MEGF11: variants seen among roughly 807,000 people sequenced by gnomAD.
The protein encoded by MEGF11 is multiple epidermal growth factor-like domains protein 11.
A neutral mutation model predicts 146.6 loss-of-function variants in MEGF11; 126 were observed. That is an observed-to-expected ratio of 0.86 (90% CI 0.74 to 1.00). The LOEUF is 1.00. Among genes scored for constraint, MEGF11 ranks in the 50% least tolerant of loss-of-function variants. The pLI is 0.00. For synonymous variants in MEGF11, 532 were observed against 583.4 expected, an observed-to-expected ratio of 0.91 and a Z score of 1.27; for missense variants, 1,509 against 1,521.2, an observed-to-expected ratio of 0.99 and a Z score of 0.13.
chr15:66,208,752 G>C (rs541239554), intron 1 of MEGF11, among the ~76,000 whole-genome samples: 2 of 152,190 alleles, frequency 1.3e-5, no homozygotes, highest in South Asian at 4.1e-4. Context: ...CGTGGTGGTG[G>C]ACACCTGTAA....
intron 1 of MEGF11, among the ~76,000 whole-genome samples, chr15:66,150,096 C>T (rs758844515): frequency 2.0e-5 from 3 of 152,252 alleles, no homozygotes; most frequent in Admixed American, 6.5e-5. Context: ...GCAGCCCCCA[C>T]ATCCCAGCCG....
chr15:66,151,945 A>C (rs1734186301), intron 1 of MEGF11, among the ~76,000 whole-genome samples: 1 of 152,260 alleles, frequency 6.6e-6, no homozygotes, highest in Non-Finnish European at 1.5e-5. Context: ...TGAGTGGCAC[A>C]ATGGCCTGCC....
intron 1 of MEGF11, among the ~76,000 whole-genome samples, chr15:66,174,527 A>G (rs1567272552): frequency 6.6e-6 from 1 of 152,150 alleles, no homozygotes; most frequent in Non-Finnish European, 1.5e-5. Context: ...TGGTTGGATC[A>G]GATGAGCTTT....
chr15:66,161,871 C>T (rs944551177), intron 1 of MEGF11, among the ~76,000 whole-genome samples: 4 of 152,184 alleles, frequency 2.6e-5, no homozygotes, highest in African/African-American at 9.7e-5. Flanking sequence ...CAGTGGCTTT[C>T]AAGTCTTTGA....
At chr15:65,910,474 G>C (rs973845101) in intron 21 of MEGF11, among the ~76,000 whole-genome samples, 1 of 152,126 alleles carries the variant, frequency 6.6e-6, no homozygotes, top group Non-Finnish European at 1.5e-5. Context: ...CCAGTGCCGT[G>C]TCCTTTCCAT....
At chr15:65,962,795 G>A (rs2080909074) in intron 9 of MEGF11, among the ~76,000 whole-genome samples, 1 of 152,148 alleles carries the variant, frequency 6.6e-6, no homozygotes, top group South Asian at 2.1e-4. Context: ...AGGAGGTGGT[G>A]ATGCAGACTC....
chr15:66,110,232 G>C (rs2087320522), intron 4 of MEGF11, among the ~76,000 whole-genome samples: 1 of 152,196 alleles, frequency 6.6e-6, no homozygotes, highest in Non-Finnish European at 1.5e-5. Context: ...TTGAGGGCCT[G>C]ACAAGCACTA....
At chr15:66,005,663 C>A (rs552238513) in intron 5 of MEGF11, among the ~76,000 whole-genome samples, 1 of 152,118 alleles carries the variant, frequency 6.6e-6, no homozygotes, top group East Asian at 1.9e-4. Flanking sequence ...GCATCACGGA[C>A]TTTCAGAGTG....
intron 15 of MEGF11, among the ~76,000 whole-genome samples, chr15:65,919,049 C>T (rs569321599): frequency 3.5e-4 from 53 of 152,294 alleles, no homozygotes; most frequent in African/African-American, 1.2e-3. Context: ...TACATGACTT[C>T]CCCAGGGCCC....
intron 4 of MEGF11, among the ~76,000 whole-genome samples, chr15:66,117,250 C>T (rs1235790497): frequency 1.3e-5 from 2 of 152,146 alleles, no homozygotes; most frequent in Non-Finnish European, 2.9e-5. Flanking sequence ...ACCTAGGGTG[C>T]CACACATCCC....
At chr15:66,085,058 C>T (rs2086048197) in intron 5 of MEGF11, among the ~76,000 whole-genome samples, 1 of 152,044 alleles carries the variant, frequency 6.6e-6, no homozygotes. Context: ...GCTGGCTTTC[C>T]CCCACTTCCC....
At chr15:66,032,640 A>G (rs1015748445) in intron 5 of MEGF11, among the ~76,000 whole-genome samples, 4 of 152,260 alleles carry the variant, frequency 2.6e-5, no homozygotes, top group Non-Finnish European at 5.9e-5. Flanking sequence ...CTTGTTATAA[A>G]GTAGCAAAGA....
At chr15:66,161,123 A>C (rs1231745248) in intron 1 of MEGF11, among the ~76,000 whole-genome samples, 1 of 152,198 alleles carries the variant, frequency 6.6e-6, no homozygotes, top group African/African-American at 2.4e-5. Context: ...CAAACACCTA[A>C]AGTAGAAGCT....
chr15:65,970,530 A>G (rs2081267183), intron 8 of MEGF11, 23 bp downstream of exon 8: 2 of 1,607,674 alleles, frequency 1.2e-6, no homozygotes, highest in South Asian at 1.1e-5. Context: ...GACAGCAAAG[A>G]TAACAGTTAA....
chr15:65,931,849 A>C (rs986918106), intron 10 of MEGF11, among the ~76,000 whole-genome samples: 1 of 152,166 alleles, frequency 6.6e-6, no homozygotes, highest in African/African-American at 2.4e-5. Context: ...TTGTCACAGC[A>C]CTCATAGGAG....
chr15:66,123,509 C>A (rs1378951689), intron 3 of MEGF11, among the ~76,000 whole-genome samples: 1 of 152,188 alleles, frequency 6.6e-6, no homozygotes, highest in Non-Finnish European at 1.5e-5. Flanking sequence ...GAAGTAAAGG[C>A]AGCCAATCTA....
chr15:66,138,509 T>G (rs2088996828), intron 1 of MEGF11, among the ~76,000 whole-genome samples: 1 of 152,218 alleles, frequency 6.6e-6, no homozygotes, highest in African/African-American at 2.4e-5. Context: ...TTATTGAGGC[T>G]CTTTGTCCAT....
chr15:66,119,623 T>G (rs1267580055), intron 3 of MEGF11, among the ~76,000 whole-genome samples: 3 of 139,392 alleles, frequency 2.2e-5, no homozygotes, highest in African/African-American at 7.8e-5. Context: ...CACAGCCCCC[T>G]GAGTATTGGT....
At position 66,160,893 on chromosome 15, in the gene MEGF11, C is replaced by T. The variant is rs569689811; in HGVS notation, c.-8-32482G>A. Among the ~76,000 whole-genome samples, 180 of 152,166 alleles carry T rather than the reference C, an allele frequency of 1.2e-3. 1 individual carries two copies. In the South Asian group the frequency reaches 0.018, roughly 15 times the overall value. ...CAGGATGGCAGCTTAAACAGAGTGG[C>T]CTGGAGGACCTTGCTGAGAAGCTGA... On this transcript the variant is annotated intron_variant, in intron 1 of 25. Coordinates refer to ENST00000395614, the MANE Select transcript of MEGF11 (RefSeq NM_001385028.1).
Sources: allele counts gnomAD v4.1 joint callset (sites outside exome capture counted in the v4.1 genomes callset), GRCh38; gene constraint gnomAD v4.1.1; transcripts MANE v1.5; gene names NCBI Gene and HGNC (gene_info 2026-07-23, HGNC 2026-07-21).